The following LHCGR variants were observed in gnomAD, a reference collection of about 807,000 sequenced individuals.
The protein encoded by LHCGR is luteinizing hormone/choriogonadotropin receptor, also known as lutropin-choriogonadotropic hormone receptor.
In LHCGR, 55 loss-of-function variants were observed where a neutral mutation model predicts 60.7. The observed-to-expected ratio is 0.91, with a 90% CI of 0.73 to 1.13. The LOEUF is 1.13. Among genes scored for constraint, LHCGR ranks in the 50% most tolerant of loss-of-function variants. The probability of loss-of-function intolerance (pLI) is 0.00; values close to 1 mark genes in which losing one functional copy is unlikely to be tolerated. For synonymous variants in LHCGR, 337 were observed against 316.5 expected, an observed-to-expected ratio of 1.06 and a Z score of -0.69; for missense variants, 862 against 836.0, an observed-to-expected ratio of 1.03 and a Z score of -0.38.
intron 1 of LHCGR, among the ~76,000 whole-genome samples, chr2:48,747,091 C>CTT (rs10625923): frequency 0.28 from 41,872 of 148,760 alleles, 6,967 homozygotes; most frequent in East Asian, 0.4. Context: ...TTTTCTTTTA[C>CTT]TTTTTTTTTT....
intron 7 of LHCGR, among the ~76,000 whole-genome samples, chr2:48,710,240 A>G (rs1667913298): frequency 6.6e-6 from 1 of 152,208 alleles, no homozygotes; most frequent in Admixed American, 6.5e-5. Flanking sequence ...TTCTACTTTC[A>G]AAGAGATGAG....
intron 1 of LHCGR, among the ~76,000 whole-genome samples, chr2:48,742,934 A>C (rs1391269623): frequency 6.6e-6 from 1 of 152,198 alleles, no homozygotes; most frequent in East Asian, 1.9e-4. Context: ...AACAAAATTG[A>C]TAAACTGCTA....
At chr2:48,726,729 C>T (rs190623267) in intron 3 of LHCGR, among the ~76,000 whole-genome samples, 3 of 152,296 alleles carry the variant, frequency 2.0e-5, no homozygotes, top group Admixed American at 6.5e-5. Flanking sequence ...TTTTACTAAT[C>T]GTATGACCTT....
At chr2:48,743,406 A>T (rs921977527) in intron 1 of LHCGR, among the ~76,000 whole-genome samples, 1 of 152,178 alleles carries the variant, frequency 6.6e-6, no homozygotes, top group Non-Finnish European at 1.5e-5. Flanking sequence ...AGAATTTTAG[A>T]CCAATATCCT....
chr2:48,745,702 G>T (rs1285586111), intron 1 of LHCGR, among the ~76,000 whole-genome samples: 3 of 118,860 alleles, frequency 2.5e-5, no homozygotes, highest in Admixed American at 9.4e-5. Flanking sequence ...GTTGTGGGGT[G>T]GGGGGAGGGG....
chr2:48,736,245 G>A (rs1042994561), intron 1 of LHCGR, among the ~76,000 whole-genome samples: 4 of 152,104 alleles, frequency 2.6e-5, no homozygotes, highest in Admixed American at 2.0e-4. Context: ...TCTCTTTTGG[G>A]CAGCCCTCAT....
At chr2:48,730,311 C>T (rs1375843997) in intron 2 of LHCGR, among the ~76,000 whole-genome samples, 1 of 152,206 alleles carries the variant, frequency 6.6e-6, no homozygotes, top group Non-Finnish European at 1.5e-5. Flanking sequence ...GTTATCAAAA[C>T]TCAACATTCC....
At chr2:48,754,736 C>CT (rs1438672025) in intron 1 of LHCGR, among the ~76,000 whole-genome samples, 2 of 151,888 alleles carry the variant, frequency 1.3e-5, no homozygotes, top group Non-Finnish European at 2.9e-5. Flanking sequence ...ATATGTGGTA[C>CT]TTTTTTTTCT....
At chr2:48,745,289 G>C (rs987803722) in intron 1 of LHCGR, among the ~76,000 whole-genome samples, 5 of 152,298 alleles carry the variant, frequency 3.3e-5, no homozygotes, top group East Asian at 3.9e-4. Flanking sequence ...TCAGTGTGGC[G>C]ATTCCTCAGG....
At position 48,727,911 on chromosome 2, in the gene LHCGR, C is replaced by A. The variant is rs183926679; in HGVS notation, c.308+1242G>T. Among the ~76,000 whole-genome samples the A allele has an allele frequency of 8.5e-5, 13 of 152,120 alleles. No individual in the cohort carries two copies. In the East Asian group the frequency reaches 2.3e-3, roughly 27 times the overall value. ...TTCATTGGGTCATTTATAGGGGGAC[C>A]CTGTGGTATAGTGGAAAATCTGGAG... On this transcript the variant is annotated intron_variant, in intron 3 of 10. Transcript: ENST00000294954.
intron 1 of LHCGR, among the ~76,000 whole-genome samples, chr2:48,745,782 C>A (rs1028527198): frequency 6.6e-6 from 1 of 150,884 alleles, no homozygotes. Flanking sequence ...ACCAGCATGG[C>A]ACATGTATAC....
intron 4 of LHCGR, 44 bp downstream of exon 4, chr2:48,725,632 C>A: frequency 7.7e-7 from 1 of 1,298,338 alleles, no homozygotes; most frequent in Non-Finnish European, 1.1e-6. Context: ...TCATCAGATG[C>A]CCATCTTCCC....
rs547666033 is a variant in LHCGR at position 48,701,053 on chromosome 2, T to C, written c.681-2253A>G. ...AGCTAGGAACTAGCACAGTCAGGGC[T>C]CAACAGTGGCAGGAATGGGAAGTAG... On this transcript the variant is annotated intron_variant, in intron 8 of 10. Coordinates refer to ENST00000294954, the MANE Select transcript of LHCGR (RefSeq NM_000233.4). 3.9e-5 allele frequency among the ~76,000 whole-genome samples: 6 copies of C among 152,040 alleles called. No individual in the cohort carries two copies. In the East Asian group the frequency reaches 1.2e-3, roughly 29 times the overall value.
At chr2:48,749,109 G>A (rs1426955087) in intron 1 of LHCGR, among the ~76,000 whole-genome samples, 1 of 152,232 alleles carries the variant, frequency 6.6e-6, no homozygotes, top group Non-Finnish European at 1.5e-5. Flanking sequence ...CATTCTGAAA[G>A]TTGAGTTTTG....
intron 8 of LHCGR, among the ~76,000 whole-genome samples, chr2:48,707,093 T>G (rs1402026037): frequency 6.6e-6 from 1 of 152,238 alleles, no homozygotes; most frequent in Non-Finnish European, 1.5e-5. Context: ...ATGCCCTTTT[T>G]GTTGATGTTG....
At chr2:48,695,576 A>G (rs867661930) in intron 9 of LHCGR, among the ~76,000 whole-genome samples, 2 of 152,198 alleles carry the variant, frequency 1.3e-5, no homozygotes, top group African/African-American at 4.8e-5. Flanking sequence ...GAAATAGATC[A>G]TTACACCAAA....
In LHCGR at chr2:48,688,149, A is replaced by C; in HGVS notation, c.1648T>G (p.Tyr550Asp). 1 of 1,614,156 alleles carries C rather than the reference A, an allele frequency of 6.2e-7. No individual in the cohort carries two copies. The highest frequency in any genetic ancestry group is 8.5e-7 in the Non-Finnish European group (1 of 1,180,026). ...AATTCTGGGTTTCGAACTGCAAAAT[A>C]AATTTTAATGTAGCAAGCACAAATT... ...FIICACYIKI[Y>D]FAVRNPELMA... The change falls in exon 11 of 11, where the codon TAT becomes GAT. Residue 550 changes from tyrosine (Y) to aspartate (D), a missense_variant. By Grantham distance (160) the Tyr-to-Asp change is radical. Coordinates refer to ENST00000294954, the MANE Select transcript of LHCGR (RefSeq NM_000233.4). The surrounding 1 kb of genome is among the most constrained non-coding windows in gnomAD (Gnocchi z 5.2).
chr2:48,719,753 G>A (rs565415196), intron 6 of LHCGR, among the ~76,000 whole-genome samples: 183 of 152,264 alleles, frequency 1.2e-3, no homozygotes, highest in African/African-American at 4.1e-3. Flanking sequence ...TTTGGGTAGG[G>A]GGAGGGCAAG....
chr2:48,696,191 T>C (rs1030150552), intron 9 of LHCGR, among the ~76,000 whole-genome samples: 1 of 152,256 alleles, frequency 6.6e-6, no homozygotes, highest in Non-Finnish European at 1.5e-5. Context: ...AATTTGCATC[T>C]TCTCTGATGA....
Sources: allele counts gnomAD v4.1 joint callset (sites outside exome capture counted in the v4.1 genomes callset), GRCh38; gene constraint gnomAD v4.1.1; non-coding constraint Gnocchi (gnomAD v3.1); transcripts MANE v1.5; gene names NCBI Gene and HGNC (gene_info 2026-07-23, HGNC 2026-07-21).